The following LTBP2 variants were observed in gnomAD, a reference collection of about 807,000 sequenced individuals.
LTBP2 encodes the protein latent-transforming growth factor beta-binding protein 2.
Under a neutral mutation model 210.6 loss-of-function variants are expected in LTBP2, and 103 were observed. The ratio of observed to expected loss-of-function variants is 0.49; its 90% CI spans 0.42 to 0.58. The LOEUF is 0.58. Ranked by LOEUF, LTBP2 falls within the 20% of genes least tolerant of loss-of-function variation. The probability of loss-of-function intolerance (pLI) is 0.00; values close to 1 mark genes in which losing one functional copy is unlikely to be tolerated. For synonymous variants in LTBP2, 1,007 were observed against 1,015.0 expected (o/e 0.99, Z 0.15); for missense variants, 2,313 against 2,494.5 (o/e 0.93, Z 1.55).
intron 8 of LTBP2, among the ~76,000 whole-genome samples, chr14:74,540,830 A>ATATATTAT (rs1555350191): frequency 4.1e-4 from 28 of 68,620 alleles, no homozygotes; most frequent in Middle Eastern, 0.015. Flanking sequence ...ATTTTTATAT[A>ATATATTAT]ATATATATTT....
intron 3 of LTBP2, among the ~76,000 whole-genome samples, chr14:74,576,636 C>CA (rs1595287733): frequency 6.6e-6 from 1 of 151,650 alleles, no homozygotes. Flanking sequence ...GTACACTGTA[C>CA]AACTCTTGGG....
At chr14:74,542,899 C>T (rs1206408748) in intron 8 of LTBP2, among the ~76,000 whole-genome samples, 1 of 151,610 alleles carries the variant, frequency 6.6e-6, no homozygotes, top group African/African-American at 2.4e-5. Context: ...CCTGAGTAAA[C>T]AGGATTACAG....
intron 15 of LTBP2, among the ~76,000 whole-genome samples, chr14:74,524,554 CT>C (rs890536084): frequency 2.0e-5 from 3 of 152,156 alleles, no homozygotes; most frequent in African/African-American, 7.2e-5. Context: ...GACAATGAGC[CT>C]TTAAGGAGGG....
intron 1 of LTBP2, among the ~76,000 whole-genome samples, chr14:74,610,672 T>C (rs1345582576): frequency 6.6e-6 from 1 of 152,222 alleles, no homozygotes; most frequent in East Asian, 1.9e-4. Context: ...TGGGGCATCT[T>C]CTCACTCTGC....
chr14:74,576,994 T>C (rs1464243064), intron 3 of LTBP2, among the ~76,000 whole-genome samples: 4 of 152,178 alleles, frequency 2.6e-5, no homozygotes, highest in Admixed American at 2.6e-4. Context: ...GGGACATTAA[T>C]GCTTAGTGAT....
Position 74,551,246 on chromosome 14 carries a change from G to C in LTBP2, c.1504C>G (p.Leu502Val). Residue 502 changes from leucine (L) to valine (V), a missense_variant, in exon 7 of 36, where the codon CTA (leucine) becomes GTA (valine). Leu to Val is a conservative substitution (Grantham distance 32, BLOSUM62 1). Around this residue, in one of 3 missense-constraint regions of LTBP2, gnomAD observed 1,867 missense variants for 1,976.9 expected, o/e 0.94. Transcript: ENST00000261978. ...CTGGTCTCCACGCTGTTCTCCACTA[G>C]GGCCTCCTCCACCCCGCCCCGCACC... ...AQVRGGVEEA[L>V]VENSVETRPP... The C allele has an allele frequency of 1.2e-6, 2 of 1,612,742 alleles. No individual in the cohort carries two copies. Among genetic ancestry groups the C allele is most frequent in the African/African-American group, 1.3e-5 (1 of 75,038 alleles).
chr14:74,553,829 G>T (rs2087692585), intron 4 of LTBP2, among the ~76,000 whole-genome samples: 5 of 152,124 alleles, frequency 3.3e-5, no homozygotes, highest in Admixed American at 3.3e-4. Flanking sequence ...GGTTGAGGGA[G>T]AAATGGGAGG....
At chr14:74,519,600 C>T (rs2087176438) in intron 17 of LTBP2, among the ~76,000 whole-genome samples, 1 of 151,894 alleles carries the variant, frequency 6.6e-6, no homozygotes, top group Non-Finnish European at 1.5e-5. Flanking sequence ...CTTTATGAGA[C>T]TGGGAAGCTT....
At chr14:74,528,836 T>A in intron 11 of LTBP2, 122 bp downstream of exon 11, 1 of 1,519,648 alleles carries the variant, frequency 6.6e-7, no homozygotes, top group South Asian at 1.2e-5. Flanking sequence ...GATAAGCACG[T>A]GAGCAGGCAG....
intron 28 of LTBP2, 115 bp downstream of exon 28, chr14:74,505,933 C>T: frequency 6.9e-7 from 1 of 1,444,154 alleles, no homozygotes; most frequent in Non-Finnish European, 9.6e-7. Flanking sequence ...CTATGCTGCC[C>T]CAGGCCCTGG....
chr14:74,531,210 G>C (rs955291626), intron 10 of LTBP2, among the ~76,000 whole-genome samples: 2 of 152,122 alleles, frequency 1.3e-5, no homozygotes, highest in Non-Finnish European at 2.9e-5. Context: ...GAGAAACTTC[G>C]TGCCACCCCT....
Position 74,510,138 on chromosome 14 carries a change from G to C in LTBP2, c.3104C>G (p.Ser1035Cys). The change falls in exon 20 of 36, where the codon TCT becomes TGT. Residue 1035 changes from serine (S) to cysteine (C), a missense_variant. Ser to Cys is a moderately radical substitution (Grantham distance 112). Around this residue, in one of 3 missense-constraint regions of LTBP2, gnomAD observed 1,867 missense variants for 1,976.9 expected, o/e 0.94. Coordinates refer to ENST00000261978, the MANE Select transcript of LTBP2 (RefSeq NM_000428.3). ...GGTGACCTCATAGCCCTGCTCACAA[G>C]AGCATCTGAAGGAGCCTTCTAGGTT... ...CTNLEGSFRC[S>C]CEQGYEVTSD... 2.5e-6 allele frequency: 4 copies of C among 1,614,146 alleles called. No homozygotes were observed. The highest frequency in any genetic ancestry group is 3.4e-6 in the Non-Finnish European group (4 of 1,180,022).
At chr14:74,557,334 A>G (rs1269208730) in intron 3 of LTBP2, among the ~76,000 whole-genome samples, 3 of 152,228 alleles carry the variant, frequency 2.0e-5, no homozygotes, top group African/African-American at 4.8e-5. Context: ...GGTTACAAAC[A>G]TTTATGTCTG....
At chr14:74,503,436 T>G in intron 32 of LTBP2, 33 bp downstream of exon 32, 9 of 1,609,370 alleles carry the variant, frequency 5.6e-6, no homozygotes, top group Non-Finnish European at 7.6e-6. Context: ...CCAGGTACCC[T>G]TCTCCTGCTC....
intron 19 of LTBP2, 69 bp from the exon 20 acceptor site, chr14:74,510,282 C>T (rs1251460790): frequency 1.5e-5 from 24 of 1,601,244 alleles, no homozygotes; most frequent in South Asian, 9.9e-5. Flanking sequence ...TGGCAGGCTC[C>T]AAGCATCTCA....
chr14:74,587,610 C>T (rs967753459), intron 2 of LTBP2, among the ~76,000 whole-genome samples: 1 of 151,764 alleles, frequency 6.6e-6, no homozygotes, highest in Admixed American at 6.6e-5. Flanking sequence ...CCCAGGAAGG[C>T]CAGGGTCTGG....
intron 1 of LTBP2, among the ~76,000 whole-genome samples, chr14:74,607,530 A>C (rs745768896): frequency 6.6e-6 from 1 of 152,230 alleles, no homozygotes; most frequent in Non-Finnish European, 1.5e-5. Context: ...AATTCATCTA[A>C]ATGTCCAAAA....
chr14:74,530,673 G>A (rs778625560), intron 10 of LTBP2, among the ~76,000 whole-genome samples: 6 of 152,144 alleles, frequency 3.9e-5, no homozygotes, highest in Non-Finnish European at 7.4e-5. Flanking sequence ...GCACCACCAC[G>A]CCTGGCTAAT....
intron 3 of LTBP2, among the ~76,000 whole-genome samples, chr14:74,557,024 G>A (rs965380049): frequency 6.6e-6 from 1 of 152,192 alleles, no homozygotes; most frequent in African/African-American, 2.4e-5. Flanking sequence ...CACTTTGGGA[G>A]GTCCATGCGG....
Sources: gnomAD v4.1 joint callset for allele counts (sites outside exome capture counted in the v4.1 genomes callset) on GRCh38, gnomAD v4.1.1 for gene constraint, gnomAD v4.1.1 regional missense constraint, MANE v1.5 for transcripts, NCBI Gene and HGNC (gene_info 2026-07-23, HGNC 2026-07-21) for gene names.